The following DGKB variants were observed in gnomAD, a reference collection of about 807,000 sequenced individuals.
The protein encoded by DGKB is 90 kDa diacylglycerol kinase.
In DGKB, 67 loss-of-function variants were observed where a neutral mutation model predicts 114.3. The observed-to-expected ratio is 0.59, with a 90% CI of 0.48 to 0.72. DGKB has a LOEUF of 0.72. Ranked by LOEUF, DGKB falls within the 30% of genes least tolerant of loss-of-function variation. The pLI is 0.00. For synonymous variants in DGKB, 398 were observed against 323.1 expected (o/e 1.23, Z -2.49); for missense variants, 907 against 975.2 (o/e 0.93, Z 0.93).
chr7:14,849,643 C>T (rs1243773211), intron 1 of DGKB, among the ~76,000 whole-genome samples: 1 of 152,132 alleles, frequency 6.6e-6, no homozygotes, highest in Admixed American at 6.6e-5. Flanking sequence ...GAGTCATTTC[C>T]TTTGATAACA....
chr7:14,658,970 G>A (rs1816440651), intron 13 of DGKB, among the ~76,000 whole-genome samples: 2 of 151,898 alleles, frequency 1.3e-5, no homozygotes, highest in South Asian at 4.2e-4. Flanking sequence ...TGTTCCACAG[G>A]TATACATGTG....
intron 2 of DGKB, among the ~76,000 whole-genome samples, chr7:14,794,520 T>C (rs535949568): frequency 9.9e-5 from 15 of 152,236 alleles, no homozygotes; most frequent in Non-Finnish European, 1.5e-4. Context: ...AAGAAAAACA[T>C]AAGCTAAGGA....
At chr7:14,322,858 A>G (rs1253015698) in intron 23 of DGKB, among the ~76,000 whole-genome samples, 1 of 152,208 alleles carries the variant, frequency 6.6e-6, no homozygotes, top group Non-Finnish European at 1.5e-5. Context: ...ATTAAAATGC[A>G]TATTTACAGA....
chr7:14,596,131 T>C lies in DGKB; in HGVS notation c.1433+11303A>G, dbSNP rs1354111759. The stretch of plus-strand genomic sequence containing the variant: ...AAAACATGTACTTTACACATAAACA[T>C]GCCTGCTTGTTGTAGAGCTGATATA... On this transcript the variant is annotated intron_variant, in intron 17 of 25. Coordinates refer to ENST00000402815, the MANE Select transcript of DGKB (RefSeq NM_001350709.2). Among the ~76,000 whole-genome samples the C allele has an allele frequency of 2.0e-5, 3 of 152,164 alleles. No homozygotes were observed. The East Asian group carries it at 5.8e-4, about 29-fold the overall frequency.
intron 5 of DGKB, among the ~76,000 whole-genome samples, chr7:14,724,262 T>C (rs764214439): frequency 1.3e-5 from 2 of 152,210 alleles, no homozygotes; most frequent in Non-Finnish European, 2.9e-5. Context: ...ATAATCAGAA[T>C]AAAAATAGTT....
intron 23 of DGKB, among the ~76,000 whole-genome samples, chr7:14,331,154 A>C (rs1004530809): frequency 6.6e-6 from 1 of 152,056 alleles, no homozygotes; most frequent in Non-Finnish European, 1.5e-5. Context: ...CATAGTTGGG[A>C]GACATCTACT....
chr7:14,627,950 C>CAA (rs56827397), intron 14 of DGKB, among the ~76,000 whole-genome samples: 7,007 of 93,466 alleles, frequency 0.075, 563 homozygotes, highest in African/African-American at 0.21. Flanking sequence ...CTCAAAAAAA[C>CAA]AAAAAAAAAA....
At chr7:14,495,605 C>T (rs967335680) in intron 20 of DGKB, among the ~76,000 whole-genome samples, 9 of 151,678 alleles carry the variant, frequency 5.9e-5, no homozygotes, top group Non-Finnish European at 1.0e-4. Flanking sequence ...ATTCTACTAT[C>T]TGGTATGAGT....
At chr7:14,291,278 C>T (rs1309889425) in intron 23 of DGKB, among the ~76,000 whole-genome samples, 1 of 151,830 alleles carries the variant, frequency 6.6e-6, no homozygotes, top group Non-Finnish European at 1.5e-5. Context: ...GAGGAATTGG[C>T]AAAGTATCAT....
At chr7:14,892,915 C>G (rs75608185) in intron 1 of DGKB, among the ~76,000 whole-genome samples, 1 of 147,370 alleles carries the variant, frequency 6.8e-6, no homozygotes, top group African/African-American at 2.5e-5. Flanking sequence ...TATATATGTA[C>G]GCATATACAT....
At chr7:14,918,812 C>A (rs1316434507) in intron 1 of DGKB, among the ~76,000 whole-genome samples, 1 of 151,970 alleles carries the variant, frequency 6.6e-6, no homozygotes, top group Non-Finnish European at 1.5e-5. Context: ...CGTCTGTAAT[C>A]CCAGCACTTT....
chr7:14,173,351 A>G (rs1324948386), intron 25 of DGKB, among the ~76,000 whole-genome samples: 1 of 152,072 alleles, frequency 6.6e-6, no homozygotes, highest in African/African-American at 2.4e-5. Flanking sequence ...TACATAACAT[A>G]AAATTCACCA....
chr7:14,716,146 G>T (rs980075682), intron 6 of DGKB, among the ~76,000 whole-genome samples: 1 of 152,170 alleles, frequency 6.6e-6, no homozygotes, highest in African/African-American at 2.4e-5. Flanking sequence ...AACAACTGTT[G>T]TGTCAGGTGA....
intron 23 of DGKB, among the ~76,000 whole-genome samples, chr7:14,269,521 G>A (rs1200242461): frequency 1.3e-5 from 2 of 152,120 alleles, no homozygotes; most frequent in African/African-American, 2.4e-5. Flanking sequence ...ATATTTTGAA[G>A]GCTATATTCT....
intron 13 of DGKB, among the ~76,000 whole-genome samples, chr7:14,671,477 A>G (rs1274723301): frequency 1.3e-5 from 2 of 152,234 alleles, no homozygotes; most frequent in East Asian, 3.8e-4. Context: ...GTCTAAAAAC[A>G]GCAATGAAAG....
At chr7:14,540,315 A>G (rs907542339) in intron 20 of DGKB, among the ~76,000 whole-genome samples, 2 of 152,114 alleles carry the variant, frequency 1.3e-5, no homozygotes, top group Non-Finnish European at 2.9e-5. Flanking sequence ...GGCAAAAATA[A>G]TAATAATTTA....
At chr7:14,609,567 A>G (rs558938270) in intron 16 of DGKB, among the ~76,000 whole-genome samples, 1 of 152,220 alleles carries the variant, frequency 6.6e-6, no homozygotes, top group South Asian at 2.1e-4. Flanking sequence ...AAAAGAAACC[A>G]TCAACAGAGT....
chr7:14,468,116 A>G (rs1477533101), intron 21 of DGKB, among the ~76,000 whole-genome samples: 1 of 152,198 alleles, frequency 6.6e-6, no homozygotes. Context: ...TTCATATCAA[A>G]TTAACTAAAT....
intron 1 of DGKB, among the ~76,000 whole-genome samples, chr7:14,939,565 A>C (rs937183869): frequency 6.6e-6 from 1 of 151,868 alleles, no homozygotes; most frequent in Non-Finnish European, 1.5e-5. Context: ...AGTTTAAAAC[A>C]TACTTGAGGA....
Sources: allele counts gnomAD v4.1 joint callset (sites outside exome capture counted in the v4.1 genomes callset), GRCh38; gene constraint gnomAD v4.1.1; transcripts MANE v1.5; gene names NCBI Gene and HGNC (gene_info 2026-07-23, HGNC 2026-07-21).